Variants in IPO11 observed in about 807,000 individuals in gnomAD.
The protein encoded by IPO11 is importin 11.
A neutral mutation model predicts 143.2 loss-of-function variants in IPO11; 66 were observed. The observed-to-expected ratio is 0.46, with a 90% CI of 0.38 to 0.57. The LOEUF (loss-of-function observed/expected upper bound fraction) is 0.57. Ranked by LOEUF, IPO11 falls within the 20% of genes least tolerant of loss-of-function variation. The pLI is 0.00. For missense variants in IPO11, 1,026 were observed against 1,141.0 expected, an observed-to-expected ratio of 0.90 and a Z score of 1.45; for synonymous variants, 385 against 377.8, an observed-to-expected ratio of 1.02 and a Z score of -0.22.
chr5:62,454,712 C>G (rs922985462), intron 5 of IPO11, among the ~76,000 whole-genome samples: 1 of 152,126 alleles, frequency 6.6e-6, no homozygotes, highest in African/African-American at 2.4e-5. Context: ...ATTGTGCTGA[C>G]TTGTAATTGT....
intron 3 of IPO11, among the ~76,000 whole-genome samples, chr5:62,444,920 A>G (rs1022038042): frequency 2.0e-5 from 3 of 151,122 alleles, no homozygotes; most frequent in Non-Finnish European, 2.9e-5. Context: ...AAACATACAT[A>G]TAAATATATA....
At position 62,426,931 on chromosome 5, in the gene IPO11, G is replaced by GTTTTTT. The variant is rs763031944; in HGVS notation, c.-6-10325_-6-10320dup. On this transcript the variant is annotated intron_variant, in intron 1 of 29. Transcript: ENST00000325324. ...CAAAATGCACTTCTTTTTTCTTTCT[G>GTTTTTT]TTTTTTTTTTTTTTTTTTTTTTTGA... Among the ~76,000 whole-genome samples, 279 of 90,194 alleles carry GTTTTTT rather than the reference G, an allele frequency of 3.1e-3. 1 individual carries two copies. Among genetic ancestry groups the GTTTTTT allele is most frequent in the Middle Eastern group, 0.012 (1 of 82 alleles). 59.2% of individuals were successfully genotyped at this position (90,194 alleles called of 152,430 possible).
At chr5:62,529,604 G>T (rs1022486784) in intron 21 of IPO11, among the ~76,000 whole-genome samples, 12 of 152,076 alleles carry the variant, frequency 7.9e-5, no homozygotes, top group African/African-American at 2.7e-4. Context: ...AATGATTTTT[G>T]TGATATATAA....
At chr5:62,543,673 G>A (rs1580305757) in intron 24 of IPO11, among the ~76,000 whole-genome samples, 1 of 152,030 alleles carries the variant, frequency 6.6e-6, no homozygotes, top group African/African-American at 2.4e-5. Flanking sequence ...GGTTTTTTGT[G>A]TCTCTATTTC....
intron 16 of IPO11, among the ~76,000 whole-genome samples, chr5:62,502,914 C>T (rs932476635): frequency 6.6e-6 from 1 of 152,058 alleles, no homozygotes; most frequent in Non-Finnish European, 1.5e-5. Context: ...CCCTCGCCTC[C>T]CAGGTTCAAG....
At chr5:62,447,607 A>C (rs1744763883) in intron 3 of IPO11, among the ~76,000 whole-genome samples, 1 of 148,834 alleles carries the variant, frequency 6.7e-6, no homozygotes. Context: ...TTTTTTTGAG[A>C]CAGGGTCTTG....
intron 29 of IPO11, among the ~76,000 whole-genome samples, chr5:62,618,887 C>T (rs1217289434): frequency 6.6e-6 from 1 of 152,044 alleles, no homozygotes; most frequent in South Asian, 2.1e-4. Flanking sequence ...AGTGGTTTTA[C>T]CAGAATGTAC....
chr5:62,521,404 T>G (rs1237550802), intron 20 of IPO11, among the ~76,000 whole-genome samples: 1 of 152,192 alleles, frequency 6.6e-6, no homozygotes, highest in Non-Finnish European at 1.5e-5. Context: ...TTCTTTGTCT[T>G]AAGACTTCCA....
chr5:62,520,513 T>C (rs1742169354), intron 20 of IPO11, among the ~76,000 whole-genome samples: 1 of 152,162 alleles, frequency 6.6e-6, no homozygotes, highest in Non-Finnish European at 1.5e-5. Context: ...CCTAATGTTA[T>C]CCCTCCCCAC....
intron 5 of IPO11, among the ~76,000 whole-genome samples, chr5:62,459,940 A>C (rs943520981): frequency 6.6e-6 from 1 of 152,222 alleles, no homozygotes; most frequent in Admixed American, 6.5e-5. Context: ...AATTGAAAAT[A>C]CATTTTAAAA....
intron 29 of IPO11, among the ~76,000 whole-genome samples, chr5:62,618,611 T>G (rs1291685076): frequency 6.6e-6 from 1 of 152,156 alleles, no homozygotes; most frequent in African/African-American, 2.4e-5. Context: ...AGAAGGCATA[T>G]AATATGGCTT....
At chr5:62,507,552 T>C (rs527478005) in intron 19 of IPO11, among the ~76,000 whole-genome samples, 8 of 152,338 alleles carry the variant, frequency 5.3e-5, no homozygotes, top group African/African-American at 1.9e-4. Flanking sequence ...TGAACTCACC[T>C]AACTTAGGAT....
chr5:62,522,874 C>T (rs1256293750), intron 20 of IPO11, among the ~76,000 whole-genome samples: 3 of 152,200 alleles, frequency 2.0e-5, no homozygotes, highest in African/African-American at 4.8e-5. Context: ...ATCTTGGCAT[C>T]AAACTGCTTT....
chr5:62,479,060 A>T (rs369943701), intron 9 of IPO11, among the ~76,000 whole-genome samples: 1 of 152,016 alleles, frequency 6.6e-6, no homozygotes, highest in Non-Finnish European at 1.5e-5. Flanking sequence ...TGCATTAGGT[A>T]TTTCTCCTAA....
At chr5:62,419,190 A>G in intron 1 of IPO11, 1 of 1,511,958 alleles carries the variant, frequency 6.6e-7, no homozygotes, top group Non-Finnish European at 8.9e-7. Flanking sequence ...TACAGTGTAG[A>G]AGTAAAAAAT....
At chr5:62,495,550 T>C (rs1043385206) in intron 16 of IPO11, among the ~76,000 whole-genome samples, 3 of 152,150 alleles carry the variant, frequency 2.0e-5, no homozygotes, top group African/African-American at 7.2e-5. Context: ...TCACGGCTCA[T>C]TGTAGCCTCA....
intron 20 of IPO11, among the ~76,000 whole-genome samples, chr5:62,518,316 T>C (rs1742093325): frequency 6.6e-6 from 1 of 151,974 alleles, no homozygotes; most frequent in South Asian, 2.1e-4. Context: ...AGGTGGCACA[T>C]GCCTGTAGTA....
intron 2 of IPO11, among the ~76,000 whole-genome samples, chr5:62,438,098 G>A (rs995172007): frequency 6.6e-6 from 1 of 152,200 alleles, no homozygotes; most frequent in Non-Finnish European, 1.5e-5. Context: ...AAAGCTCCCC[G>A]TTGGGTTAAA....
At chr5:62,587,062 G>GT (rs1744821689) in intron 27 of IPO11, among the ~76,000 whole-genome samples, 1 of 150,764 alleles carries the variant, frequency 6.6e-6, no homozygotes, top group African/African-American at 2.4e-5. Context: ...ATTGGGCATT[G>GT]TTTTTTATAG....
Sources: allele counts gnomAD v4.1 joint callset (sites outside exome capture counted in the v4.1 genomes callset), GRCh38; gene constraint gnomAD v4.1.1; transcripts MANE v1.5; gene names NCBI Gene and HGNC (gene_info 2026-07-23, HGNC 2026-07-21).